SMOC2: variants seen among roughly 807,000 people sequenced by gnomAD.
The protein encoded by SMOC2 is SPARC-related modular calcium-binding protein 2.
A neutral mutation model predicts 61.4 loss-of-function variants in SMOC2; 39 were observed. The ratio of observed to expected loss-of-function variants is 0.64; its 90% CI spans 0.49 to 0.83. The LOEUF (loss-of-function observed/expected upper bound fraction) is 0.83. Among genes scored for constraint, SMOC2 ranks in the 40% least tolerant of loss-of-function variants. The probability of loss-of-function intolerance (pLI) is 0.00; values close to 1 mark genes in which losing one functional copy is unlikely to be tolerated. For missense variants in SMOC2, 556 were observed against 592.9 expected (o/e 0.94, Z 0.65); for synonymous variants, 247 against 239.9 (o/e 1.03, Z -0.27).
chr6:168,457,319 A>C (rs548524661), intron 1 of SMOC2, among the ~76,000 whole-genome samples: 16 of 152,272 alleles, frequency 1.1e-4, no homozygotes, highest in African/African-American at 3.6e-4. Context: ...CCAGCACCCC[A>C]GCGTGACGCC....
intron 4 of SMOC2, among the ~76,000 whole-genome samples, chr6:168,540,460 G>T (rs1158743107): frequency 6.6e-6 from 1 of 152,170 alleles, no homozygotes; most frequent in African/African-American, 2.4e-5. Flanking sequence ...GCTCTGCTAG[G>T]TCCATTCAGC....
intron 9 of SMOC2, among the ~76,000 whole-genome samples, chr6:168,616,209 ATTTTAGCTG>A (rs1181580917): frequency 6.6e-6 from 1 of 152,218 alleles, no homozygotes; most frequent in African/African-American, 2.4e-5. Context: ...AGTCTTCTAA[ATTTTAGCTG>A]AGCTGGGAAC....
At chr6:168,602,888 G>A (rs1785588450) in intron 8 of SMOC2, among the ~76,000 whole-genome samples, 1 of 152,192 alleles carries the variant, frequency 6.6e-6, no homozygotes, top group Non-Finnish European at 1.5e-5. Flanking sequence ...GCAGAGGGCA[G>A]GTCCTGGGAG....
intron 1 of SMOC2, among the ~76,000 whole-genome samples, chr6:168,455,487 C>G (rs1019349885): frequency 6.6e-6 from 1 of 152,146 alleles, no homozygotes; most frequent in African/African-American, 2.4e-5. Context: ...CTTTGAGAGG[C>G]TGGGCCCTTT....
intron 7 of SMOC2, among the ~76,000 whole-genome samples, chr6:168,582,470 G>A (rs1181540640): frequency 1.3e-5 from 2 of 152,194 alleles, no homozygotes; most frequent in Non-Finnish European, 2.9e-5. Flanking sequence ...CCGCTGGGCA[G>A]GAGAGGATTA....
At chr6:168,581,399 A>G (rs1784913906) in intron 7 of SMOC2, among the ~76,000 whole-genome samples, 1 of 152,162 alleles carries the variant, frequency 6.6e-6, no homozygotes. Flanking sequence ...CTTGTTAGAC[A>G]AGAGGACGAA....
chr6:168,617,103 T>C (rs1786114443), intron 9 of SMOC2, among the ~76,000 whole-genome samples: 1 of 152,240 alleles, frequency 6.6e-6, no homozygotes, highest in Non-Finnish European at 1.5e-5. Flanking sequence ...TCAGTGGGAT[T>C]TTATTACAAT....
chr6:168,611,987 G>T (rs1785883824), intron 9 of SMOC2, among the ~76,000 whole-genome samples: 2 of 152,288 alleles, frequency 1.3e-5, no homozygotes, highest in South Asian at 4.1e-4. Context: ...GGTGGAGACT[G>T]CACCTCCATG....
intron 12 of SMOC2, among the ~76,000 whole-genome samples, chr6:168,665,407 A>G (rs561698182): frequency 6.6e-6 from 1 of 152,388 alleles, no homozygotes; most frequent in African/African-American, 2.4e-5. Flanking sequence ...GGCCGTGGCC[A>G]TTGAAGGCCA....
At chr6:168,612,041 C>A (rs1019844811) in intron 9 of SMOC2, among the ~76,000 whole-genome samples, 8 of 152,226 alleles carry the variant, frequency 5.3e-5, no homozygotes, top group Non-Finnish European at 1.2e-4. Flanking sequence ...AGGCAGTTTT[C>A]TTTTCCTACT....
intron 2 of SMOC2, among the ~76,000 whole-genome samples, chr6:168,512,479 C>T (rs1783031258): frequency 6.6e-6 from 1 of 152,178 alleles, no homozygotes; most frequent in South Asian, 2.1e-4. Flanking sequence ...AACTTTAATT[C>T]ACTGATTAAC....
At chr6:168,605,096 C>A (rs1336173117) in intron 8 of SMOC2, among the ~76,000 whole-genome samples, 2 of 152,130 alleles carry the variant, frequency 1.3e-5, no homozygotes, top group Non-Finnish European at 2.9e-5. Flanking sequence ...TGGGAAGGGG[C>A]CATCAGACTG....
intron 9 of SMOC2, among the ~76,000 whole-genome samples, chr6:168,627,824 G>C (rs1786454193): frequency 6.6e-6 from 1 of 152,202 alleles, no homozygotes; most frequent in Non-Finnish European, 1.5e-5. Context: ...ACTGGAAACT[G>C]AAAATTGTCA....
intron 1 of SMOC2, among the ~76,000 whole-genome samples, chr6:168,454,663 C>T (rs1781541884): frequency 6.6e-6 from 1 of 152,010 alleles, no homozygotes; most frequent in Non-Finnish European, 1.5e-5. Context: ...TTCTGGGGAA[C>T]AGAGGAGGCT....
chr6:168,612,470 C>G (rs140388159), intron 9 of SMOC2, among the ~76,000 whole-genome samples: 1 of 147,992 alleles, frequency 6.8e-6, no homozygotes, highest in Non-Finnish European at 1.5e-5. Context: ...AGAGGGTGAC[C>G]GCAGCCTTTA....
chr6:168,585,165 C>T (rs1214802836), intron 7 of SMOC2, among the ~76,000 whole-genome samples: 1 of 152,122 alleles, frequency 6.6e-6, no homozygotes, highest in Non-Finnish European at 1.5e-5. Flanking sequence ...TGCTATGTTG[C>T]CCAGGCTGAC....
rs1172656110 is a variant in SMOC2 at position 168,469,635 on chromosome 6, TCTC to T, written c.84+28183_84+28185del. On this transcript the variant is annotated intron_variant, in intron 1 of 12. Coordinates refer to ENST00000356284, the MANE Select transcript of SMOC2 (RefSeq NM_001166412.2). ...GAAAGCCAAATCACAAGCCTCTGCT[TCTC>T]CACCAGCAGAGCTGCTCGGAGCCGA... Among the ~76,000 whole-genome samples, 7 of 152,128 alleles carry T rather than the reference TCTC, an allele frequency of 4.6e-5. No individual in the cohort carries two copies. The East Asian group carries it at 1.4e-3, about 29-fold the overall frequency.
intron 9 of SMOC2, among the ~76,000 whole-genome samples, chr6:168,620,157 G>A (rs1786208478): frequency 6.6e-6 from 1 of 152,132 alleles, no homozygotes; most frequent in Non-Finnish European, 1.5e-5. Context: ...TTTAGCTATC[G>A]GTATTTCATC....
chr6:168,652,841 C>A, intron 10 of SMOC2, 113 bp from the exon 11 acceptor site: 1 of 902,762 alleles, frequency 1.1e-6, no homozygotes, highest in Non-Finnish European at 1.7e-6. Flanking sequence ...CAGGCTGAGA[C>A]ACCAGGACCA....
Sources: gnomAD v4.1 joint callset for allele counts (sites outside exome capture counted in the v4.1 genomes callset) on GRCh38, gnomAD v4.1.1 for gene constraint, MANE v1.5 for transcripts, NCBI Gene and HGNC (gene_info 2026-07-23, HGNC 2026-07-21) for gene names.